Variants in KANSL3 observed in about 807,000 individuals in gnomAD.
The protein encoded by KANSL3 is KAT8 regulatory NSL complex subunit 3.
Under a neutral mutation model 89.2 loss-of-function variants are expected in KANSL3, and 16 were observed. That is an observed-to-expected ratio of 0.18 (90% CI 0.12 to 0.27). The LOEUF is 0.27. Among genes scored for constraint, KANSL3 ranks in the 10% least tolerant of loss-of-function variants. The pLI is 1.00. For synonymous variants in KANSL3, 385 were observed against 419.7 expected (o/e 0.92, Z 1.01); for missense variants, 879 against 1,110.6 (o/e 0.79, Z 2.96).
intron 3 of KANSL3, among the ~76,000 whole-genome samples, chr2:96,627,039 T>C (rs1203891438): frequency 6.6e-6 from 1 of 152,224 alleles, no homozygotes; most frequent in African/African-American, 2.4e-5. Context: ...TATTTAAAAA[T>C]GTAAAAATCA....
the KANSL3 span, among the ~76,000 whole-genome samples, chr2:96,586,703 T>C: frequency 6.6e-6 from 1 of 152,230 alleles, no homozygotes; most frequent in African/African-American, 2.4e-5. Context: ...CATCGCACAC[T>C]ACAGGCTTCA....
intron 5 of KANSL3, among the ~76,000 whole-genome samples, chr2:96,614,613 A>G (rs1422011924): frequency 6.6e-6 from 1 of 152,084 alleles, no homozygotes; most frequent in Non-Finnish European, 1.5e-5. Flanking sequence ...TCCACTAAAA[A>G]TACAAAAATT....
chr2:96,596,527 T>C (rs983705978), intron 20 of KANSL3, among the ~76,000 whole-genome samples: 1 of 151,928 alleles, frequency 6.6e-6, no homozygotes, highest in African/African-American at 2.4e-5. Context: ...GAAGAGGAGT[T>C]TGACAATCAA....
rs1295016983 is a variant in KANSL3, at chr2:96,594,070, G to C, written c.*1541C>G. 2 of 151,894 alleles carry C rather than the reference G, an allele frequency of 1.3e-5. No homozygotes were observed. The highest frequency in any genetic ancestry group is 1.5e-5 in the Non-Finnish European group (1 of 68,088). The allele number at this position is 151,894 out of a possible 1,614,324, so 9.4% of individuals were successfully genotyped here. The stretch of plus-strand genomic sequence containing the variant: ...ACATCCCCCCTGCCCACAGTACCCT[G>C]ACCTACCTTGCCTGAGACTCCTAGA... On this transcript the variant is annotated 3_prime_UTR_variant, in exon 21 of 21. Transcript: ENST00000431828.
chr2:96,604,491 C>T (rs901746625), intron 16 of KANSL3, 111 bp from the exon 17 acceptor site: 8 of 1,271,336 alleles, frequency 6.3e-6, no homozygotes, highest in African/African-American at 6.0e-5. Flanking sequence ...AGCAGACATA[C>T]ACCAAAAACC....
chr2:96,625,752 T>C (rs1021941464), intron 3 of KANSL3, among the ~76,000 whole-genome samples: 3 of 152,162 alleles, frequency 2.0e-5, no homozygotes, highest in African/African-American at 7.2e-5. Context: ...ACTCCAAGAA[T>C]TGAAACATGA....
rs904079511 is a variant in KANSL3, at chr2:96,619,446, G to C, written c.576C>G (p.Ile192Met). 3.1e-6 allele frequency: 5 copies of C among 1,613,858 alleles called. No individual in the cohort carries two copies. The highest frequency in any genetic ancestry group is 1.3e-5 in the African/African-American group (1 of 74,940). ...CCACAAGGGTGGTGTGCAGCCACTG[G>C]ATCAGCTTGGTATCCCAGCTCACAC... is the stretch of plus-strand genomic sequence containing the variant. ...LASVSWDTKL[I>M]QWLHTTLVET... Residue 192 changes from isoleucine to methionine, a missense_variant, in exon 5 of 21, where the codon ATC (isoleucine) becomes ATG (methionine). Transcript: ENST00000431828.
At chr2:96,597,629 G>A (rs2066665133) in intron 20 of KANSL3, among the ~76,000 whole-genome samples, 1 of 152,084 alleles carries the variant, frequency 6.6e-6, no homozygotes, top group Admixed American at 6.5e-5. Context: ...TTGAGACAGA[G>A]TCTGGCTCTG....
intron 20 of KANSL3, chr2:96,601,364 G>C: frequency 1.0e-6 from 1 of 985,284 alleles, no homozygotes; most frequent in South Asian, 4.7e-5. Context: ...AAAATGAAAC[G>C]AAAGGAAAAG....
chr2:96,583,400 C>T, the KANSL3 span, among the ~76,000 whole-genome samples: 1 of 152,310 alleles, frequency 6.6e-6, no homozygotes, highest in South Asian at 2.1e-4. Flanking sequence ...ACATTTCCCC[C>T]CGACGGAAAA....
In KANSL3 at chr2:96,595,559, C is replaced by T. The variant is rs899084582; in HGVS notation, c.*52G>A. ...GGACCACACACCTGTCCAGGGCCCA[C>T]CATGAGGCAGCCATCACCAACTTGG... On this transcript the variant is annotated 3_prime_UTR_variant, in exon 21 of 21. Coordinates refer to ENST00000431828, the MANE Select transcript of KANSL3 (RefSeq NM_001115016.3). 57 of 1,608,994 alleles carry T rather than the reference C, an allele frequency of 3.5e-5. No individual in the cohort carries two copies. In the Admixed American group the frequency reaches 4.7e-4, roughly 13 times the overall value.
In KANSL3 at chr2:96,619,210, C is replaced by A. The variant is rs541458626; in HGVS notation, c.663+149G>T. On this transcript the variant is annotated intron_variant, in intron 5 of 20. Coordinates refer to ENST00000431828, the MANE Select transcript of KANSL3 (RefSeq NM_001115016.3). ...CACCAGACACAAATGTGAAATGATA[C>A]CCTGTCTCCCAATTTTAGTACCAAA... 7 of 656,266 alleles carry A rather than the reference C, an allele frequency of 1.1e-5. No individual in the cohort carries two copies. In the South Asian group the frequency reaches 1.3e-4, roughly 12 times the overall value. The allele number at this position is 656,266 out of a possible 1,614,324, so 40.7% of individuals were successfully genotyped here.
chr2:96,622,015 G>A (rs1161110378), intron 3 of KANSL3, among the ~76,000 whole-genome samples: 8 of 152,032 alleles, frequency 5.3e-5, no homozygotes, highest in African/African-American at 1.9e-4. Context: ...TTGGGAGGCC[G>A]AGGCAAAAGA....
rs144858791 is a variant in KANSL3 at position 96,595,415 on chromosome 2, G to A, written c.*196C>T. The stretch of plus-strand genomic sequence containing the variant: ...GGAACCAGATTTGCAGATCCTGGAC[G>A]ATGGTGCTTCCCTTGCTGGCACCGT... On this transcript the variant is annotated 3_prime_UTR_variant, in exon 21 of 21. Coordinates refer to ENST00000431828, the MANE Select transcript of KANSL3 (RefSeq NM_001115016.3). The A allele has an allele frequency of 4.8e-4, 265 of 555,330 alleles. No individual in the cohort carries two copies. The highest frequency in any genetic ancestry group is 9.8e-4 in the Middle Eastern group (2 of 2,040). The allele number at this position is 555,330 out of a possible 1,614,324, so 34.4% of individuals were successfully genotyped here. A position where few individuals can be genotyped will look rare whatever the true frequency, so the allele number is the denominator to read the frequency against.
chr2:96,633,090 C>T lies in KANSL3; in HGVS notation c.216-1608G>A, dbSNP rs1340102435. On this transcript the variant is annotated intron_variant, in intron 2 of 20. Transcript: ENST00000431828. ...GAGCCCACAAGTTCAACAGTGTGGG[C>T]AACATGGTGAAACCCCGTCTCTACT... Among the ~76,000 whole-genome samples, 5 of 150,574 alleles carry T rather than the reference C, an allele frequency of 3.3e-5. No homozygotes were observed. The East Asian group carries it at 9.9e-4, about 30-fold the overall frequency.
intron 14 of KANSL3, chr2:96,605,974 A>G (rs905332340): frequency 1.3e-5 from 2 of 153,522 alleles, no homozygotes; most frequent in Admixed American, 6.5e-5. Context: ...ATTCTATGAG[A>G]ACTCATGGAG....
intron 6 of KANSL3, among the ~76,000 whole-genome samples, chr2:96,613,137 G>T (rs1440264116): frequency 6.6e-6 from 1 of 152,210 alleles, no homozygotes; most frequent in Non-Finnish European, 1.5e-5. Flanking sequence ...CCAGCACTTT[G>T]GGAGGCCAAG....
chr2:96,636,995 G>A lies in KANSL3; in HGVS notation c.141C>T (p.Ala47=), dbSNP rs921771680. 6 of 1,551,394 alleles carry A rather than the reference G, an allele frequency of 3.9e-6. No individual in the cohort carries two copies. The highest frequency in any genetic ancestry group is 1.7e-4 in the Middle Eastern group (1 of 6,014). ...LDHSYAKPWS[A]HPDASSARPT... ...GGCGGGCACTACTGGCATCTGGGTG[G>A]GCACTCCAAGGCTTGGCATAGCTAT... Residue 47 remains alanine, a synonymous_variant, in exon 2 of 21, where the codon GCC becomes GCT. Transcript: ENST00000431828.
At chr2:96,607,556 C>T (rs1573372761) in intron 14 of KANSL3, among the ~76,000 whole-genome samples, 1 of 152,224 alleles carries the variant, frequency 6.6e-6, no homozygotes, top group African/African-American at 2.4e-5. Context: ...CTGGCCACCA[C>T]TCATGAAGAT....
Sources: gnomAD v4.1 joint callset for allele counts (sites outside exome capture counted in the v4.1 genomes callset) on GRCh38, gnomAD v4.1.1 for gene constraint, MANE v1.5 for transcripts, NCBI Gene and HGNC (gene_info 2026-07-23, HGNC 2026-07-21) for gene names.